Variants in FAM13A observed in about 807,000 individuals in gnomAD.
FAM13A encodes the protein protein FAM13A.
In FAM13A, 76 loss-of-function variants were observed where a neutral mutation model predicts 129.6. The observed-to-expected ratio is 0.59, with a 90% CI of 0.49 to 0.71. The LOEUF is 0.71. Among genes scored for constraint, FAM13A ranks in the 30% least tolerant of loss-of-function variants. The probability of loss-of-function intolerance (pLI) is 0.00; values close to 1 mark genes in which losing one functional copy is unlikely to be tolerated. For missense variants in FAM13A, 1,108 were observed against 1,249.3 expected, an observed-to-expected ratio of 0.89 and a Z score of 1.70; for synonymous variants, 443 against 449.9, an observed-to-expected ratio of 0.98 and a Z score of 0.20.
intron 14 of FAM13A, among the ~76,000 whole-genome samples, chr4:88,753,117 G>A (rs1439188203): frequency 6.6e-6 from 1 of 152,204 alleles, no homozygotes; most frequent in East Asian, 1.9e-4. Context: ...GCCCTTTAAT[G>A]TGTTAGAATC....
chr4:88,843,761 C>T (rs1203639115), intron 7 of FAM13A, among the ~76,000 whole-genome samples: 1 of 152,154 alleles, frequency 6.6e-6, no homozygotes, highest in East Asian at 1.9e-4. Context: ...AACTTTCTGC[C>T]ACAAGTGCAG....
intron 13 of FAM13A, among the ~76,000 whole-genome samples, chr4:88,763,274 T>C (rs1745133244): frequency 1.1e-5 from 1 of 94,294 alleles, no homozygotes; most frequent in Non-Finnish European, 2.6e-5. Flanking sequence ...CCCTTTCCCA[T>C]TCGTTCATTC....
chr4:89,039,449 G>A (rs1769816249), intron 1 of FAM13A, among the ~76,000 whole-genome samples: 2 of 152,102 alleles, frequency 1.3e-5, no homozygotes, highest in African/African-American at 2.4e-5. Flanking sequence ...ATCAATATTG[G>A]CTCATCAATT....
At chr4:88,866,759 C>A (rs1242608311) in intron 6 of FAM13A, among the ~76,000 whole-genome samples, 1 of 152,110 alleles carries the variant, frequency 6.6e-6, no homozygotes, top group Admixed American at 6.5e-5. Context: ...AACCTCTATA[C>A]TTTATTAGTG....
intron 7 of FAM13A, among the ~76,000 whole-genome samples, chr4:88,829,167 T>A (rs1302453126): frequency 6.6e-6 from 1 of 152,206 alleles, no homozygotes; most frequent in African/African-American, 2.4e-5. Context: ...TGTTTTAAAA[T>A]CAGATAGGTT....
At chr4:88,869,999 T>A (rs1741077340) in intron 6 of FAM13A, among the ~76,000 whole-genome samples, 1 of 152,336 alleles carries the variant, frequency 6.6e-6, no homozygotes, top group East Asian at 1.9e-4. Context: ...AAATCCAAGA[T>A]TAATTCTAAA....
chr4:88,726,751 CAATCTGCAATGT>C lies in FAM13A; in HGVS notation c.*1770_*1781del, dbSNP rs1349333861. On this transcript the variant is annotated 3_prime_UTR_variant, in exon 24 of 24. Coordinates refer to ENST00000264344, the MANE Select transcript of FAM13A (RefSeq NM_014883.4). The stretch of plus-strand genomic sequence containing the variant: ...ATAATCTCACTCCTTGAAATTATAG[CAATCTGCAATGT>C]AAACAGTAGAGCAAAGAATTCCAAA... The C allele has an allele frequency of 3.3e-5, 5 of 152,620 alleles. No homozygotes were observed. Among genetic ancestry groups the C allele is most frequent in the Non-Finnish European group, 7.3e-5 (5 of 68,032 alleles). 9.5% of individuals were successfully genotyped at this position (152,620 alleles called of 1,614,324 possible).
rs922210733 is a variant in FAM13A, at chr4:88,750,442, T to G, written c.1922A>C (p.Asn641Thr). 2 of 1,613,176 alleles carry G rather than the reference T, an allele frequency of 1.2e-6. No individual in the cohort carries two copies. Among genetic ancestry groups the G allele is most frequent in the African/African-American group, 2.7e-5 (2 of 74,716 alleles). The change falls in exon 15 of 24, where the codon AAC (asparagine) becomes ACC (threonine). Residue 641 changes from asparagine to threonine, a missense_variant. Transcript: ENST00000264344. ...DDTEVPPSPP[N>T]SHSFMRRRSS... ...AACATACCTCATGAAAGAATGGGAG[T>G]TTGGTGGGGAAGGAGGCACTTCTGT...
At chr4:88,906,025 C>T (rs988760990) in intron 6 of FAM13A, among the ~76,000 whole-genome samples, 19 of 152,294 alleles carry the variant, frequency 1.2e-4, no homozygotes, top group Middle Eastern at 3.4e-3. Flanking sequence ...TGGTGGCTCA[C>T]GCCTGTAATC....
At chr4:88,927,318 C>T (rs1032666248) in intron 5 of FAM13A, among the ~76,000 whole-genome samples, 7 of 151,518 alleles carry the variant, frequency 4.6e-5, no homozygotes, top group African/African-American at 1.2e-4. Flanking sequence ...ATTTGTATCT[C>T]GAGCCTTTAC....
chr4:88,924,678 A>G (rs1282265266), intron 5 of FAM13A, among the ~76,000 whole-genome samples: 10 of 152,138 alleles, frequency 6.6e-5, no homozygotes, highest in Non-Finnish European at 5.9e-5. Flanking sequence ...CAAAAGCAAT[A>G]GCAACAAAAG....
At chr4:88,805,304 G>A (rs760243056) in intron 7 of FAM13A, among the ~76,000 whole-genome samples, 29 of 152,156 alleles carry the variant, frequency 1.9e-4, no homozygotes, top group Non-Finnish European at 3.4e-4. Context: ...CTTTCAAGAG[G>A]AAGCTTTTTA....
intron 3 of FAM13A, among the ~76,000 whole-genome samples, chr4:89,019,128 T>C (rs1052793511): frequency 6.6e-6 from 1 of 152,204 alleles, no homozygotes; most frequent in African/African-American, 2.4e-5. Flanking sequence ...GTTAGTGTCC[T>C]CTTCTGATAC....
intron 6 of FAM13A, among the ~76,000 whole-genome samples, chr4:88,851,590 C>T (rs981325378): frequency 6.6e-6 from 1 of 152,148 alleles, no homozygotes; most frequent in Non-Finnish European, 1.5e-5. Flanking sequence ...CTAAGAACCA[C>T]TGGAATAAAG....
In FAM13A at chr4:88,748,983, A is replaced by G; in HGVS notation, c.2130T>C (p.Asn710=). The change falls in exon 17 of 24, where the codon AAT becomes AAC. Residue 710 remains asparagine (N), a synonymous_variant. Transcript: ENST00000264344. The part of the protein sequence containing the change: ...AANPEVLKWT[N]DLAKFRRQLK... The stretch of plus-strand genomic sequence containing the variant: ...GTTGTCTCCGGAATTTGGCAAGGTC[A>G]TTTGTCCATTTCAGAACCTCCGGAT... 2 of 1,614,004 alleles carry G rather than the reference A, an allele frequency of 1.2e-6. No homozygotes were observed. The highest frequency in any genetic ancestry group is 1.7e-6 in the Non-Finnish European group (2 of 1,179,880).
In FAM13A at chr4:88,938,135, T is replaced by C; in HGVS notation, c.712A>G (p.Asn238Asp). The change falls in exon 5 of 24, where the codon AAT (asparagine) becomes GAT (aspartate). Residue 238 changes from asparagine to aspartate, a missense_variant. This residue lies in a region of FAM13A where 566 missense variants were observed against 595.7 expected (regional missense o/e 0.95). Transcript: ENST00000264344. ...NTLFEVEYTE[N>D]DHLRCENLAR... ...AGGTTTTCACATCTCAGATGATCAT[T>C]TTCTGTATACTCTACTTCAAACAGG... The C allele has an allele frequency of 6.2e-7, 1 of 1,613,658 alleles. No homozygotes were observed. The highest frequency in any genetic ancestry group is 8.5e-7 in the Non-Finnish European group (1 of 1,179,642).
At chr4:88,976,644 T>C (rs1436917005) in intron 4 of FAM13A, among the ~76,000 whole-genome samples, 3 of 146,910 alleles carry the variant, frequency 2.0e-5, no homozygotes, top group African/African-American at 8.1e-5. Flanking sequence ...AATTATTTTG[T>C]TATAAATTTA....
intron 6 of FAM13A, among the ~76,000 whole-genome samples, chr4:88,904,104 A>T (rs1317151679): frequency 3.9e-5 from 6 of 152,194 alleles, no homozygotes; most frequent in African/African-American, 1.2e-4. Flanking sequence ...TATTATTAAA[A>T]AGTCAAGAAA....
chr4:89,038,238 T>C (rs532922439), intron 1 of FAM13A, among the ~76,000 whole-genome samples: 1 of 152,340 alleles, frequency 6.6e-6, no homozygotes, highest in African/African-American at 2.4e-5. Context: ...CTTATGGTGA[T>C]CCTTCACAAA....
Sources: allele counts gnomAD v4.1 joint callset (sites outside exome capture counted in the v4.1 genomes callset), GRCh38; gene constraint gnomAD v4.1.1; regional missense constraint gnomAD v4.1.1; transcripts MANE v1.5; gene names NCBI Gene and HGNC (gene_info 2026-07-23, HGNC 2026-07-21).